Variants in ADCY10 observed in about 807,000 individuals in gnomAD.
ADCY10 encodes the protein adenylate cyclase 10, also known as adenylate cyclase type 10.
ADCY10 carries 156 observed loss-of-function variants against 183.3 expected under a neutral mutation model. That is an observed-to-expected ratio of 0.85 (90% confidence interval 0.75 to 0.97). The LOEUF is 0.97. Among genes scored for constraint, ADCY10 ranks in the 50% least tolerant of loss-of-function variants. The pLI, the probability that ADCY10 is intolerant of heterozygous loss-of-function variation, is 0.00. For missense variants in ADCY10, 1,745 were observed against 1,934.3 expected (o/e 0.90, Z 1.84); for synonymous variants, 645 against 670.0 (o/e 0.96, Z 0.58).
At chr1:167,836,947 C>T in intron 22 of ADCY10, 1 of 383,132 alleles carries the variant, frequency 2.6e-6, no homozygotes, top group Non-Finnish European at 4.8e-6. Flanking sequence ...ATCACTTGAA[C>T]CCAGAAGGCG....
chr1:167,876,703 T>C lies in ADCY10; in HGVS notation c.1407-1517A>G, dbSNP rs541277385. 1.4e-4 allele frequency among the ~76,000 whole-genome samples: 22 copies of C among 152,328 alleles called. 1 individual carries two copies. In the South Asian group the frequency reaches 4.3e-3, roughly 30 times the overall value. On this transcript the variant is annotated intron_variant, in intron 12 of 32. Transcript: ENST00000367851. ...ATCAGATAGTCCTGGGTTTGCATAG[T>C]AAACTGATTGCATTAATGGCCCCAG...
intron 8 of ADCY10, among the ~76,000 whole-genome samples, chr1:167,887,100 A>G (rs1421745251): frequency 6.6e-6 from 1 of 152,172 alleles, no homozygotes; most frequent in Non-Finnish European, 1.5e-5. Context: ...TGTTGGTGGG[A>G]CTGTAAACTA....
intron 8 of ADCY10, among the ~76,000 whole-genome samples, chr1:167,889,081 T>C (rs1668431723): frequency 1.3e-5 from 2 of 152,144 alleles, no homozygotes; most frequent in Admixed American, 1.3e-4. Flanking sequence ...TCTTTCTTTC[T>C]CTTGTCTGAT....
At chr1:167,864,598 G>GGA (rs960652176) in intron 14 of ADCY10, among the ~76,000 whole-genome samples, 3 of 150,800 alleles carry the variant, frequency 2.0e-5, no homozygotes, top group East Asian at 1.9e-4. Context: ...AGAGAGAGAG[G>GGA]GAGAGAGAGA....
intron 12 of ADCY10, among the ~76,000 whole-genome samples, chr1:167,875,760 C>G (rs148726658): frequency 6.6e-6 from 1 of 151,992 alleles, no homozygotes; most frequent in African/African-American, 2.4e-5. Context: ...ACCATCCTGG[C>G]TAACACGGTG....
chr1:167,883,452 G>A lies in ADCY10; in HGVS notation c.1005C>T (p.Val335=). Residue 335 remains valine, a synonymous_variant, in exon 9 of 33, where the codon GTC becomes GTT. Coordinates refer to ENST00000367851, the MANE Select transcript of ADCY10 (RefSeq NM_018417.6). Reference sequence around the variant, plus strand: ...TCACACTTACCTTGTCAAACATGAAGACTTTATTGATTTGGCCTTGGAAGA... The same window carrying A: ...TCACACTTACCTTGTCAAACATGAAAACTTTATTGATTTGGCCTTGGAAGA... The part of the protein sequence containing the change: ...LKIFQGQINK[V]FMFDKGCSFL... 1 of 1,614,216 alleles carries A rather than the reference G, an allele frequency of 6.2e-7. No individual in the cohort carries two copies. The highest frequency in any genetic ancestry group is 8.5e-7 in the Non-Finnish European group (1 of 1,180,042).
chr1:167,822,704 A>G (rs1022623650), intron 29 of ADCY10, among the ~76,000 whole-genome samples: 1 of 152,250 alleles, frequency 6.6e-6, no homozygotes, highest in Non-Finnish European at 1.5e-5. Context: ...AACCCCTGGT[A>G]AAAGGCACAT....
chr1:167,821,332 C>T (rs1417696887), intron 30 of ADCY10: 1 of 153,048 alleles, frequency 6.5e-6, no homozygotes, highest in Non-Finnish European at 1.5e-5. Flanking sequence ...TGTAAGGGGC[C>T]TCTATTTGGT....
At chr1:167,841,502 C>CTTTTTTTTTTT (rs71100905) in intron 21 of ADCY10, among the ~76,000 whole-genome samples, 12 of 90,902 alleles carry the variant, frequency 1.3e-4, no homozygotes, top group African/African-American at 1.9e-4. Flanking sequence ...ATATGCTTTC[C>CTTTTTTTTTTT]TTTTTTTTTT....
intron 1 of ADCY10, among the ~76,000 whole-genome samples, chr1:167,912,658 G>A (rs896436977): frequency 7.2e-5 from 11 of 152,178 alleles, no homozygotes; most frequent in East Asian, 1.9e-4. Flanking sequence ...CTCTGTATGG[G>A]GGAGCTTCTT....
At chr1:167,880,861 TGCTTCGGC>T (rs1667827092) in intron 9 of ADCY10, among the ~76,000 whole-genome samples, 1 of 152,222 alleles carries the variant, frequency 6.6e-6, no homozygotes, top group Non-Finnish European at 1.5e-5. Context: ...TCTGTGTGCA[TGCTTCGGC>T]CTACTCTCTC....
intron 1 of ADCY10, among the ~76,000 whole-genome samples, chr1:167,906,694 T>A (rs1028133245): frequency 6.8e-6 from 1 of 146,096 alleles, no homozygotes; most frequent in Non-Finnish European, 1.5e-5. Context: ...GAGGCTGAGG[T>A]GGGAGGATGG....
In ADCY10 at chr1:167,878,448, T is replaced by C. The variant is rs776505098; in HGVS notation, c.1404A>G (p.Lys468=). 1 of 1,613,850 alleles carries C rather than the reference T, an allele frequency of 6.2e-7. No individual in the cohort carries two copies. Among genetic ancestry groups the C allele is most frequent in the South Asian group, 1.1e-5 (1 of 91,070 alleles). Residue 468 remains lysine (K), a splice_region_variant and synonymous_variant, in exon 12 of 33, where the codon AAA becomes AAG. Transcript: ENST00000367851. ...CAAAATTAATGCTCCACACTCACAC[T>C]TTCTCAGTACGGCCCCAATACTGAT... ...PLYQYWGRTE[K]VMFGMACLIC... is the part of the protein sequence containing the mutation.
At chr1:167,841,677 A>G (rs1664661699) in intron 21 of ADCY10, among the ~76,000 whole-genome samples, 1 of 151,472 alleles carries the variant, frequency 6.6e-6, no homozygotes, top group African/African-American at 2.4e-5. Context: ...TTTTTAAGAG[A>G]TGGGGTCTTG....
At chr1:167,829,605 T>C (rs1157119973) in intron 25 of ADCY10, among the ~76,000 whole-genome samples, 182 bp from the exon 26 acceptor site, 4 of 152,250 alleles carry the variant, frequency 2.6e-5, no homozygotes, top group African/African-American at 9.6e-5. Context: ...TTTTCTTCAT[T>C]GTAAAATGGG....
intron 28 of ADCY10, among the ~76,000 whole-genome samples, chr1:167,823,927 G>T (rs1394854975): frequency 6.6e-6 from 1 of 152,210 alleles, no homozygotes; most frequent in Non-Finnish European, 1.5e-5. Context: ...AGAAGTGGAG[G>T]CCTGATTCCC....
intron 5 of ADCY10, among the ~76,000 whole-genome samples, chr1:167,901,444 T>C (rs943718100): frequency 1.3e-5 from 2 of 152,224 alleles, no homozygotes; most frequent in Non-Finnish European, 2.9e-5. Flanking sequence ...TTACTTTTTG[T>C]AATAGCTTAT....
At chr1:167,864,870 G>A (rs1170533229) in intron 14 of ADCY10, among the ~76,000 whole-genome samples, 1 of 146,174 alleles carries the variant, frequency 6.8e-6, no homozygotes, top group Non-Finnish European at 1.5e-5. Flanking sequence ...CATTCAATCT[G>A]TAGCAGCAGC....
intron 26 of ADCY10, 93 bp from the exon 27 acceptor site, chr1:167,824,948 T>A: frequency 7.8e-7 from 1 of 1,282,138 alleles, no homozygotes; most frequent in Non-Finnish European, 1.1e-6. Flanking sequence ...GTTTGTTTAT[T>A]AAGTTTGGGA....
Sources: allele counts gnomAD v4.1 joint callset (sites outside exome capture counted in the v4.1 genomes callset), GRCh38; gene constraint gnomAD v4.1.1; transcripts MANE v1.5; gene names NCBI Gene and HGNC (gene_info 2026-07-23, HGNC 2026-07-21).